The following PROSER2 variants were observed in gnomAD, a reference collection of about 807,000 sequenced individuals.
PROSER2 encodes proline and serine-rich protein 2.
A neutral mutation model predicts 14.6 loss-of-function variants in PROSER2; 18 were observed. That is an observed-to-expected ratio of 1.23 (90% CI 0.85 to 1.83). The LOEUF (loss-of-function observed/expected upper bound fraction) is 1.83. PROSER2 is among the 40% of genes most tolerant of loss of function. The pLI is 0.00. For missense variants in PROSER2, 823 were observed against 629.8 expected (o/e 1.31, Z -3.28); for synonymous variants, 367 against 286.4 (o/e 1.28, Z -2.84).
In PROSER2 at chr10:11,862,130, G is replaced by C. The variant is rs1159690873; in HGVS notation, c.139-4401G>C. On this transcript the variant is annotated intron_variant, in intron 2 of 3. Coordinates refer to ENST00000277570, the MANE Select transcript of PROSER2 (RefSeq NM_153256.4). This position sits in a 1 kb window ranked among gnomAD's most constrained non-coding sequence, Gnocchi z 4.2. Reference sequence around the variant, plus strand: ...TTCTGGTCCAGACACCACACTTTGAGAACCACACATCTAAATAAATGAAGC... The same window carrying C: ...TTCTGGTCCAGACACCACACTTTGACAACCACACATCTAAATAAATGAAGC... Among the ~76,000 whole-genome samples, 1 of 152,124 alleles carries C rather than the reference G, an allele frequency of 6.6e-6. No homozygotes were observed. The highest frequency in any genetic ancestry group is 2.4e-5 in the African/African-American group (1 of 41,410).
At chr10:11,857,095 T>G (rs1158775736) in intron 2 of PROSER2, among the ~76,000 whole-genome samples, 1 of 152,116 alleles carries the variant, frequency 6.6e-6, no homozygotes, top group African/African-American at 2.4e-5. Context: ...GGTGATGGGA[T>G]AAGACTCAGT....
At position 11,866,958 on chromosome 10, in the gene PROSER2, A is replaced by C. The variant is rs1460581874; in HGVS notation, c.391+175A>C. Among the ~76,000 whole-genome samples, 1 of 152,186 alleles carries C rather than the reference A, an allele frequency of 6.6e-6. No homozygotes were observed. The highest frequency in any genetic ancestry group is 1.9e-4 in the East Asian group (1 of 5,200). ...ATCATCCAGCAAAGGGAAATGCCAG[A>C]GGGCCTAGAATAAAGAATGGAATGG... On this transcript the variant is annotated intron_variant, in intron 3 of 3. Transcript: ENST00000277570. The surrounding 1 kb of genome is among the most constrained non-coding windows in gnomAD (Gnocchi z 6.0).
intron 1 of PROSER2, chr10:11,850,619 GT>G (rs371904254): frequency 3.6e-4 from 55 of 152,248 alleles, no homozygotes; most frequent in African/African-American, 1.3e-3. Context: ...TCATCTTCTG[GT>G]TTCCTAGCCT....
chr10:11,847,343 G>A lies in PROSER2; in HGVS notation c.-81-4654G>A, dbSNP rs75861501. Among the ~76,000 whole-genome samples the A allele has an allele frequency of 1.4e-3, 206 of 152,096 alleles. 4 individuals carry two copies. The highest frequency in any genetic ancestry group is 4.6e-3 in the African/African-American group (189 of 41,492). ...CCCGCTGCAGTGTGATTTCTAACCC[G>A]CCTTCACAAGGTCACCTTAGTTGAT... On this transcript the variant is annotated intron_variant, in intron 1 of 3. Coordinates refer to ENST00000277570, the MANE Select transcript of PROSER2 (RefSeq NM_153256.4).
intron 1 of PROSER2, among the ~76,000 whole-genome samples, chr10:11,843,993 G>A (rs1833888487): frequency 6.6e-6 from 1 of 151,052 alleles, no homozygotes; most frequent in Admixed American, 6.6e-5. Flanking sequence ...TTTTCTTTGA[G>A]TGCATTTGAT....
chr10:11,823,435 G>C lies in PROSER2; in HGVS notation c.-117G>C, dbSNP rs1197825731. ...GAGGGCTCCGGGTCGCTGGCGGCGT[G>C]GACACCTGAGTCCCGGGGTAGGGGT... On this transcript the variant is annotated 5_prime_UTR_variant, in exon 1 of 4. Coordinates refer to ENST00000277570, the MANE Select transcript of PROSER2 (RefSeq NM_153256.4). This position sits in a 1 kb window ranked among gnomAD's most constrained non-coding sequence, Gnocchi z 6.2. The C allele has an allele frequency of 6.5e-6, 1 of 154,270 alleles. No homozygotes were observed. Among genetic ancestry groups the C allele is most frequent in the Non-Finnish European group, 1.4e-5 (1 of 70,026 alleles). 9.6% of individuals were successfully genotyped at this position (154,270 alleles called of 1,614,324 possible).
chr10:11,846,790 T>C (rs2131064636), intron 1 of PROSER2, among the ~76,000 whole-genome samples: 1 of 152,306 alleles, frequency 6.6e-6, no homozygotes, highest in Admixed American at 6.5e-5. Context: ...GCCAGCTCTG[T>C]CACGCAGGCC....
At chr10:11,844,618 T>G (rs1833898100) in intron 1 of PROSER2, among the ~76,000 whole-genome samples, 1 of 152,174 alleles carries the variant, frequency 6.6e-6, no homozygotes, top group Non-Finnish European at 1.5e-5. Context: ...CATGGAGAGC[T>G]TCCTCATTCT....
Position 11,838,951 on chromosome 10 carries a change from T to C in PROSER2, c.-81-13046T>C, listed in dbSNP as rs1004366227. Reference sequence around the variant, plus strand: ...GCAGCTTTTCTCTTAATATTGTCTATGGTGTCCTTAATTTTTATGTAGACA... The same window carrying C: ...GCAGCTTTTCTCTTAATATTGTCTACGGTGTCCTTAATTTTTATGTAGACA... On this transcript the variant is annotated intron_variant, in intron 1 of 3. Transcript: ENST00000277570. This position sits in a 1 kb window ranked among gnomAD's most constrained non-coding sequence, Gnocchi z 4.4. Among the ~76,000 whole-genome samples, 6 of 152,228 alleles carry C rather than the reference T, an allele frequency of 3.9e-5. No homozygotes were observed. The highest frequency in any genetic ancestry group is 1.2e-4 in the African/African-American group (5 of 41,460).
Position 11,866,385 on chromosome 10 carries a change from C to A in PROSER2, c.139-146C>A, listed in dbSNP as rs764967280. 100 of 896,300 alleles carry A rather than the reference C, an allele frequency of 1.1e-4. No homozygotes were observed. The highest frequency in any genetic ancestry group is 1.7e-4 in the Non-Finnish European group (96 of 578,658). 55.5% of individuals were successfully genotyped at this position (896,300 alleles called of 1,614,324 possible). A position where few individuals can be genotyped will look rare whatever the true frequency, so the allele number is the denominator to read the frequency against. The stretch of plus-strand genomic sequence containing the variant: ...TCCATCTGGGTGATGGAGAGGCACA[C>A]GCAGGCACTGTGTGGCAGGGTACTC... On this transcript the variant is annotated intron_variant, in intron 2 of 3. Coordinates refer to ENST00000277570, the MANE Select transcript of PROSER2 (RefSeq NM_153256.4). The surrounding 1 kb of genome is among the most constrained non-coding windows in gnomAD (Gnocchi z 6.0).
At chr10:11,863,471 G>C (rs1273746237) in intron 2 of PROSER2, among the ~76,000 whole-genome samples, 3 of 151,844 alleles carry the variant, frequency 2.0e-5, no homozygotes, top group African/African-American at 4.8e-5. Flanking sequence ...CCTGGGGGCA[G>C]AGGTTACAGC....
rs1834392063 is a variant in PROSER2, at chr10:11,868,163, T to C, written c.392-1327T>C. Among the ~76,000 whole-genome samples, 3 of 152,336 alleles carry C rather than the reference T, an allele frequency of 2.0e-5. No homozygotes were observed. In the South Asian group the frequency reaches 6.2e-4, roughly 32 times the overall value. The stretch of plus-strand genomic sequence containing the variant: ...TTTGAAATAGAGTTCCAAAAGTAAT[T>C]TGAACCAGCCGATCCTTTTAAAATG... On this transcript the variant is annotated intron_variant, in intron 3 of 3. Transcript: ENST00000277570.
Position 11,855,144 on chromosome 10 carries a change from TTTG to T in PROSER2, c.138+2932_138+2934del, listed in dbSNP as rs1564309764. ...ACCTCGTTCTCATTTATAGAGGTTT[TTTG>T]TTTTTTTTTTTTTTTAAGCAAACGT... On this transcript the variant is annotated intron_variant, in intron 2 of 3. Coordinates refer to ENST00000277570, the MANE Select transcript of PROSER2 (RefSeq NM_153256.4). Among the ~76,000 whole-genome samples, 7 of 149,944 alleles carry T rather than the reference TTTG, an allele frequency of 4.7e-5. 1 individual carries two copies. Among genetic ancestry groups the T allele is most frequent in the Admixed American group, 2.0e-4 (3 of 15,128 alleles).
chr10:11,824,741 C>G (rs1472212558), intron 1 of PROSER2, among the ~76,000 whole-genome samples: 2 of 152,232 alleles, frequency 1.3e-5, no homozygotes, highest in Admixed American at 6.5e-5. Flanking sequence ...GGTAACAGCA[C>G]TTCAAATGAG....
chr10:11,855,140 G>T (rs1358303212), intron 2 of PROSER2, among the ~76,000 whole-genome samples: 1 of 135,120 alleles, frequency 7.4e-6, no homozygotes, highest in Non-Finnish European at 1.6e-5. Flanking sequence ...ATTTATAGAG[G>T]TTTTTTGTTT....
rs1467052695 is a variant in PROSER2, at chr10:11,823,759, G to C, written c.-82+289G>C. ...TTCCGAGTCTGGGGCTATCCTGGGG[G>C]CTCAGGGGTGGAGGCGGGTTTCCCA... On this transcript the variant is annotated intron_variant, in intron 1 of 3. Transcript: ENST00000277570. This position sits in a 1 kb window ranked among gnomAD's most constrained non-coding sequence, Gnocchi z 6.2. Among the ~76,000 whole-genome samples the C allele has an allele frequency of 2.6e-5, 4 of 152,158 alleles. No individual in the cohort carries two copies. The highest frequency in any genetic ancestry group is 5.9e-5 in the Non-Finnish European group (4 of 68,014).
At chr10:11,841,570 G>T (rs1029101836) in intron 1 of PROSER2, among the ~76,000 whole-genome samples, 8 of 152,080 alleles carry the variant, frequency 5.3e-5, no homozygotes, top group Admixed American at 2.6e-4. Flanking sequence ...CATCCCACAG[G>T]TTTCGATAGG....
chr10:11,848,114 A>G lies in PROSER2; in HGVS notation c.-81-3883A>G, dbSNP rs1365365667. Among the ~76,000 whole-genome samples the G allele has an allele frequency of 3.3e-5, 5 of 152,142 alleles. No individual in the cohort carries two copies. In the East Asian group the frequency reaches 5.8e-4, roughly 18 times the overall value. On this transcript the variant is annotated intron_variant, in intron 1 of 3. Transcript: ENST00000277570. ...ACACACATATTTTGTTTCCCTGTCAAAGTGGGAGTGTGCCCCACTCTGGTT... is the reference window on the plus strand; with the variant it reads ...ACACACATATTTTGTTTCCCTGTCAGAGTGGGAGTGTGCCCCACTCTGGTT...
chr10:11,828,064 G>A (rs1400780583), intron 1 of PROSER2, among the ~76,000 whole-genome samples: 3 of 151,992 alleles, frequency 2.0e-5, no homozygotes, highest in African/African-American at 7.3e-5. Context: ...GAATGGTACT[G>A]CACTGGAATT....
Sources: allele counts gnomAD v4.1 joint callset (sites outside exome capture counted in the v4.1 genomes callset), GRCh38; gene constraint gnomAD v4.1.1; non-coding constraint Gnocchi (gnomAD v3.1); transcripts MANE v1.5; gene names NCBI Gene and HGNC (gene_info 2026-07-23, HGNC 2026-07-21).